Variants in TEX101 observed in about 807,000 individuals in gnomAD.
TEX101 encodes testis-expressed protein 101.
In TEX101, 10 loss-of-function variants were observed where a neutral mutation model predicts 18.1. The observed-to-expected ratio is 0.55, with a 90% CI of 0.34 to 0.94. The LOEUF is 0.94. Among genes scored for constraint, TEX101 ranks in the 40% least tolerant of loss-of-function variants. The pLI is 0.02. For missense variants in TEX101, 259 were observed against 298.9 expected, an observed-to-expected ratio of 0.87 and a Z score of 0.98; for synonymous variants, 94 against 114.8, an observed-to-expected ratio of 0.82 and a Z score of 1.16.
intron 3 of TEX101, among the ~76,000 whole-genome samples, chr19:43,408,432 G>A (rs1035607939): frequency 5.3e-5 from 8 of 152,196 alleles, no homozygotes; most frequent in Non-Finnish European, 1.0e-4. Context: ...CTGAGCCGTG[G>A]GCCGGTAGGC....
At chr19:43,392,914 C>T in the TEX101 span, among the ~76,000 whole-genome samples, 1 of 152,030 alleles carries the variant, frequency 6.6e-6, no homozygotes, top group South Asian at 2.1e-4. Context: ...AAAAATTAGC[C>T]GGATGTGGTG....
intron 3 of TEX101, among the ~76,000 whole-genome samples, chr19:43,409,701 G>A (rs978458065): frequency 1.3e-5 from 2 of 152,022 alleles, no homozygotes; most frequent in South Asian, 4.1e-4. Context: ...CCTGGGAGGC[G>A]AAGGTTGCAG....
chr19:43,389,300 CTT>C, the TEX101 span, among the ~76,000 whole-genome samples: 20 of 152,248 alleles, frequency 1.3e-4, no homozygotes, highest in Admixed American at 1.3e-3. Flanking sequence ...CGGGTCCAGG[CTT>C]TCCCCATCAG....
At chr19:43,412,743 T>G (rs1970429732), upstream of TEX101, among the ~76,000 whole-genome samples, 1 of 152,182 alleles carries the variant, frequency 6.6e-6, no homozygotes, top group Admixed American at 6.5e-5. Flanking sequence ...GGATTGAAGC[T>G]TTACCAATCC....
upstream of TEX101, among the ~76,000 whole-genome samples, chr19:43,400,978 C>A (rs1002848926): frequency 6.6e-6 from 1 of 152,160 alleles, no homozygotes; most frequent in African/African-American, 2.4e-5. Context: ...AGACCCAATT[C>A]TTTGAGGGCT....
chr19:43,414,101 G>T (rs572154005), upstream of TEX101, among the ~76,000 whole-genome samples: 1 of 142,850 alleles, frequency 7.0e-6, no homozygotes, highest in Non-Finnish European at 1.5e-5. Flanking sequence ...TCCAGCCTGG[G>T]CAAAAAGAGC....
chr19:43,418,136 T>C (rs374794462), intron 5 of TEX101, 32 bp from the exon 6 acceptor site: 40 of 1,612,858 alleles, frequency 2.5e-5, no homozygotes, highest in Non-Finnish European at 3.3e-5. Context: ...CTAAAACATC[T>C]CTGTCTCTCC....
intron 2 of TEX101, among the ~76,000 whole-genome samples, chr19:43,403,293 GT>G (rs1248403088): frequency 2.0e-5 from 3 of 152,184 alleles, no homozygotes; most frequent in African/African-American, 7.2e-5. Context: ...AGGCTTAAAG[GT>G]TTTCTAAATA....
intron 3 of TEX101, among the ~76,000 whole-genome samples, chr19:43,408,164 G>A (rs939379152): frequency 5.3e-5 from 8 of 152,356 alleles, no homozygotes; most frequent in Non-Finnish European, 1.2e-4. Flanking sequence ...GCCCTCAGGA[G>A]GCGCCCGCCC....
chr19:43,412,228 T>C (rs139785931), upstream of TEX101, among the ~76,000 whole-genome samples: 47 of 152,074 alleles, frequency 3.1e-4, no homozygotes, highest in Non-Finnish European at 6.0e-4. Flanking sequence ...TCAGAGAGCT[T>C]TTACTTATGG....
chr19:43,411,625 C>T (rs987449542), upstream of TEX101, among the ~76,000 whole-genome samples: 1 of 152,102 alleles, frequency 6.6e-6, no homozygotes, highest in African/African-American at 2.4e-5. Flanking sequence ...AGACTAACCT[C>T]CTCATTTTCT....
chr19:43,395,843 C>T, the TEX101 span, among the ~76,000 whole-genome samples: 2 of 152,214 alleles, frequency 1.3e-5, no homozygotes, highest in South Asian at 4.1e-4. Flanking sequence ...TCTGCTAGCT[C>T]AGCTGGTCAG....
chr19:43,405,891 G>A (rs1266470810), intron 2 of TEX101, among the ~76,000 whole-genome samples: 2 of 151,964 alleles, frequency 1.3e-5, no homozygotes, highest in Non-Finnish European at 2.9e-5. Flanking sequence ...ATCCAGCCTG[G>A]GGGACCCAGC....
the TEX101 span, among the ~76,000 whole-genome samples, chr19:43,395,297 C>T: frequency 6.6e-6 from 1 of 152,172 alleles, no homozygotes. Context: ...GAGGGCAGAC[C>T]TCTTCCCGTA....
At chr19:43,396,200 G>A in the TEX101 span, among the ~76,000 whole-genome samples, 14 of 152,352 alleles carry the variant, frequency 9.2e-5, no homozygotes, top group Admixed American at 9.1e-4. Context: ...CCAGCACCAA[G>A]TGGAGAGATA....
At chr19:43,412,006 A>G (rs1970423543), upstream of TEX101, among the ~76,000 whole-genome samples, 1 of 152,184 alleles carries the variant, frequency 6.6e-6, no homozygotes, top group Admixed American at 6.6e-5. Flanking sequence ...AGAGGAACAG[A>G]AATTGGCTCA....
intron 1 of TEX101, among the ~76,000 whole-genome samples, chr19:43,415,637 C>T (rs921703550): frequency 2.0e-5 from 3 of 151,960 alleles, no homozygotes; most frequent in South Asian, 2.1e-4. Flanking sequence ...GTGGCGGGCA[C>T]CTGTAATCCC....
chr19:43,389,685 G>A, the TEX101 span, among the ~76,000 whole-genome samples: 1 of 152,154 alleles, frequency 6.6e-6, no homozygotes, highest in Non-Finnish European at 1.5e-5. Context: ...CCTGTGCTGG[G>A]TTCTCCCTTA....
At chr19:43,397,642 A>T (rs1306042154), upstream of TEX101, among the ~76,000 whole-genome samples, 2 of 150,278 alleles carry the variant, frequency 1.3e-5, no homozygotes, top group Non-Finnish European at 1.5e-5. Context: ...TGAGTACTTT[A>T]GCATGCCTCT....
Sources: gnomAD v4.1 joint callset for allele counts (sites outside exome capture counted in the v4.1 genomes callset) on GRCh38, gnomAD v4.1.1 for gene constraint, MANE v1.5 for transcripts, NCBI Gene and HGNC (gene_info 2026-07-23, HGNC 2026-07-21) for gene names.